The following TXNIP variants were observed in gnomAD, a reference collection of about 807,000 sequenced individuals.
TXNIP encodes the protein thioredoxin-interacting protein.
In TXNIP, 23 loss-of-function variants were observed where a neutral mutation model predicts 43.9. The observed-to-expected ratio is 0.52, with a 90% CI of 0.38 to 0.74. TXNIP has a LOEUF of 0.74. TXNIP is among the 30% of genes least tolerant of loss of function. The pLI is 0.00. For synonymous variants in TXNIP, 234 were observed against 172.2 expected, an observed-to-expected ratio of 1.36 and a Z score of -2.81; for missense variants, 555 against 485.4, an observed-to-expected ratio of 1.14 and a Z score of -1.35.
Position 145,993,722 on chromosome 1 carries a change from T to C in TXNIP, c.*129A>G. 5.7e-6 allele frequency: 6 copies of C among 1,047,584 alleles called. No individual in the cohort carries two copies. In the South Asian group the frequency reaches 9.1e-5, roughly 16 times the overall value. 64.9% of individuals were successfully genotyped at this position (1,047,584 alleles called of 1,614,324 possible). A position where few individuals can be genotyped will look rare whatever the true frequency, so the allele number is the denominator to read the frequency against. On this transcript the variant is annotated 3_prime_UTR_variant, in exon 8 of 8. Transcript: ENST00000582401. Reference sequence around the variant, plus strand: ...ATTGCCTGCTGACCACCTCCTACATTAGGAAGTCAGAGGCTAAGGTGGACC... The same window carrying C: ...ATTGCCTGCTGACCACCTCCTACATCAGGAAGTCAGAGGCTAAGGTGGACC...
rs1651376995 is a variant in TXNIP, at chr1:145,994,687, G to C, written c.688C>G (p.Leu230Val). The change falls in exon 5 of 8, where the codon CTG becomes GTG. Residue 230 changes from leucine to valine, a missense_variant. Transcript: ENST00000582401. ...TYLANGQTKV[L>V]TQKLSSVRGN... The stretch of plus-strand genomic sequence containing the variant: ...CTGACTGATGACAACTTCTGAGTCA[G>C]CACCTTGGTCTGGCCATTGGCAAGG... 6.2e-7 allele frequency: 1 copy of C among 1,614,234 alleles called. No individual in the cohort carries two copies.
rs1359192483 is a variant in TXNIP at position 145,996,079 on chromosome 1, C to T, written c.188G>A (p.Cys63Tyr). 1 of 1,613,982 alleles carries T rather than the reference C, an allele frequency of 6.2e-7. No individual in the cohort carries two copies. The highest frequency in any genetic ancestry group is 1.3e-5 in the African/African-American group (1 of 74,888). The change falls in exon 1 of 8, where the codon TGC becomes TAC. Residue 63 changes from cysteine to tyrosine, a missense_variant. Cys to Tyr is a radical substitution (Grantham distance 194). Coordinates refer to ENST00000582401, the MANE Select transcript of TXNIP (RefSeq NM_006472.6). ...GCGCAGGTACTCCGAAGTCTGTTTG[C>T]ACTGCTGGGATCCCTGCATCCAAAG... ...KVLWMQGSQQ[C>Y]KQTSEYLRYE...
Position 145,994,782 on chromosome 1 carries a change from T to G in TXNIP, c.593A>C (p.His198Pro). 6.2e-7 allele frequency: 1 copy of G among 1,614,216 alleles called. No homozygotes were observed. Among genetic ancestry groups the G allele is most frequent in the Non-Finnish European group, 8.5e-7 (1 of 1,180,034 alleles). Residue 198 changes from histidine (H) to proline (P), a missense_variant, in exon 5 of 8, where the codon CAT (histidine) becomes CCT (proline). Transcript: ENST00000582401. ...GFCEGDEISI[H>P]ADFENTCSRI... ...GGAACATGTATTCTCAAAGTCAGCA[T>G]GGATGGAAATCTCATCACCTAGCAA...
In TXNIP at chr1:145,993,748, C is replaced by CA. The variant is rs1230279460; in HGVS notation, c.*102dup. ...AGGAAGTCAGAGGCTAAGGTGGACCCACACTCCATTGCAGAGACTGTTGAG... is the reference window on the plus strand; with the variant it reads ...AGGAAGTCAGAGGCTAAGGTGGACCCAACACTCCATTGCAGAGACTGTTGAG... On this transcript the variant is annotated 3_prime_UTR_variant, in exon 8 of 8. Coordinates refer to ENST00000582401, the MANE Select transcript of TXNIP (RefSeq NM_006472.6). 8 of 1,376,440 alleles carry CA rather than the reference C, an allele frequency of 5.8e-6. No individual in the cohort carries two copies. In the Admixed American group the frequency reaches 1.6e-4, roughly 27 times the overall value. 85.3% of individuals were successfully genotyped at this position (1,376,440 alleles called of 1,614,324 possible).
rs781878987 is a variant in TXNIP at position 145,994,717 on chromosome 1, T to A, written c.658A>T (p.Thr220Ser). 73 of 1,614,092 alleles carry A rather than the reference T, an allele frequency of 4.5e-5. No homozygotes were observed. The highest frequency in any genetic ancestry group is 5.6e-5 in the Non-Finnish European group (66 of 1,180,046). ...TTGGTCTGGCCATTGGCAAGGTAAG[T>A]GTGGCGGGCCACAATGGCAGCTTTG... Reference protein sequence around the residue: ...VPKAAIVARHTYLANGQTKVL... With the variant: ...VPKAAIVARHSYLANGQTKVL... Residue 220 changes from threonine to serine, a missense_variant, in exon 5 of 8, where the codon ACT becomes TCT. By Grantham distance (58) the Thr-to-Ser change is moderately conservative. Transcript: ENST00000582401.
In TXNIP at chr1:145,994,719, T is replaced by A. The variant is rs782768346; in HGVS notation, c.656A>T (p.His219Leu). Reference sequence around the variant, plus strand: ...GGTCTGGCCATTGGCAAGGTAAGTGTGGCGGGCCACAATGGCAGCTTTGGG... The same window carrying A: ...GGTCTGGCCATTGGCAAGGTAAGTGAGGCGGGCCACAATGGCAGCTTTGGG... ...VVPKAAIVAR[H>L]TYLANGQTKV... is the part of the protein sequence containing the mutation. Residue 219 changes from histidine to leucine, a missense_variant, in exon 5 of 8, where the codon CAC becomes CTC. Physicochemically the swap from His to Leu is moderately conservative, Grantham distance 99. Transcript: ENST00000582401. The A allele has an allele frequency of 2.6e-5, 42 of 1,614,232 alleles. No individual in the cohort carries two copies. The highest frequency in any genetic ancestry group is 3.5e-5 in the Non-Finnish European group (41 of 1,180,046).
rs921724950 is a variant in TXNIP at position 145,994,620 on chromosome 1, C to T, written c.755G>A (p.Gly252Asp). The change falls in exon 5 of 8, where the codon GGC becomes GAC. Residue 252 changes from glycine to aspartate, a missense_variant. Coordinates refer to ENST00000582401, the MANE Select transcript of TXNIP (RefSeq NM_006472.6). ...GATCTTCTGAACCCGAAGGCTCTTGCCACGCCATGATGCGCATGTCCCTGA... is the reference window on the plus strand; with the variant it reads ...GATCTTCTGAACCCGAAGGCTCTTGTCACGCCATGATGCGCATGTCCCTGA... The part of the protein sequence containing the change: ...IISGTCASWR[G>D]KSLRVQKIRP... 5.0e-6 allele frequency: 8 copies of T among 1,614,066 alleles called. No homozygotes were observed. The highest frequency in any genetic ancestry group is 6.8e-6 in the Non-Finnish European group (8 of 1,180,048).
chr1:145,995,638 A>G, intron 1 of TXNIP, 162 bp from the exon 2 acceptor site: 1 of 716,276 alleles, frequency 1.4e-6, no homozygotes, highest in Non-Finnish European at 2.4e-6. Context: ...TTAAAGAGAA[A>G]TTCTGATGTA....
Position 145,995,850 on chromosome 1 carries a change from T to TGG in TXNIP, c.250+165_250+166dup, listed in dbSNP as rs142045491. The TGG allele has an allele frequency of 2.3e-5, 20 of 854,388 alleles. No individual in the cohort carries two copies. In the African/African-American group the frequency reaches 3.1e-4, roughly 13 times the overall value. 52.9% of individuals were successfully genotyped at this position (854,388 alleles called of 1,614,324 possible). On this transcript the variant is annotated intron_variant, in intron 1 of 7. Coordinates refer to ENST00000582401, the MANE Select transcript of TXNIP (RefSeq NM_006472.6). ...AAATTGTACAAATCACCCTTTTTTT[T>TGG]GGGGGGGGAGGAGAATGTCTGCAAA...
chr1:145,995,289 G>T lies in TXNIP; in HGVS notation c.326C>A (p.Pro109His), dbSNP rs950236811. 1 of 1,612,010 alleles carries T rather than the reference G, an allele frequency of 6.2e-7. No homozygotes were observed. The highest frequency in any genetic ancestry group is 1.7e-5 in the Admixed American group (1 of 59,786). ...YKFGFELPQG[P>H]LGTSFKGKYG... The stretch of plus-strand genomic sequence containing the variant: ...TTTTCCTTTGAAGGATGTTCCCAGA[G>T]GCCTGTGTCAAGAAAATGAAAATTT... Residue 109 changes from proline (P) to histidine (H), a missense_variant and splice_region_variant, in exon 3 of 8, where the codon CCT (proline) becomes CAT (histidine). Transcript: ENST00000582401.
chr1:145,993,703 T>C lies in TXNIP; in HGVS notation c.*148A>G. On this transcript the variant is annotated 3_prime_UTR_variant, in exon 8 of 8. Coordinates refer to ENST00000582401, the MANE Select transcript of TXNIP (RefSeq NM_006472.6). ...ATCCTTTAAGGCCCAGGAGATTGCC[T>C]GCTGACCACCTCCTACATTAGGAAG... The C allele has an allele frequency of 2.3e-6, 2 of 862,018 alleles. No homozygotes were observed. Among genetic ancestry groups the C allele is most frequent in the African/African-American group, 1.7e-5 (1 of 58,924 alleles). The allele number at this position is 862,018 out of a possible 1,614,324, so 53.4% of individuals were successfully genotyped here. A position where few individuals can be genotyped will look rare whatever the true frequency, so the allele number is the denominator to read the frequency against.
In TXNIP at chr1:145,995,700, G is replaced by C. The variant is rs1321856697; in HGVS notation, c.251-224C>G. 1.1e-5 allele frequency: 7 copies of C among 617,892 alleles called. No individual in the cohort carries two copies. In the East Asian group the frequency reaches 1.6e-4, roughly 15 times the overall value. 38.3% of individuals were successfully genotyped at this position (617,892 alleles called of 1,614,324 possible). A position where few individuals can be genotyped will look rare whatever the true frequency, so the allele number is the denominator to read the frequency against. On this transcript the variant is annotated intron_variant, in intron 1 of 7. Coordinates refer to ENST00000582401, the MANE Select transcript of TXNIP (RefSeq NM_006472.6). ...CCTGCAATACTGAAAGATTCACCCA[G>C]GACAGTTCTCTACTAACATCTCAAA... is the stretch of plus-strand genomic sequence containing the variant.
At position 145,992,996 on chromosome 1, in the gene TXNIP, T is replaced by G. The variant is rs1271839122; in HGVS notation, c.*855A>C. 6.5e-6 allele frequency: 1 copy of G among 152,746 alleles called. No individual in the cohort carries two copies. The highest frequency in any genetic ancestry group is 2.4e-5 in the African/African-American group (1 of 41,458). The allele number at this position is 152,746 out of a possible 1,614,324, so 9.5% of individuals were successfully genotyped here. A position where few individuals can be genotyped will look rare whatever the true frequency, so the allele number is the denominator to read the frequency against. Reference sequence around the variant, plus strand: ...AACCCTAGAGACACAGTAGACCAGTTTCAGCTTACATTTAAGATGGCAGAA... The same window carrying G: ...AACCCTAGAGACACAGTAGACCAGTGTCAGCTTACATTTAAGATGGCAGAA... On this transcript the variant is annotated 3_prime_UTR_variant, in exon 8 of 8. Coordinates refer to ENST00000582401, the MANE Select transcript of TXNIP (RefSeq NM_006472.6).
Position 145,994,973 on chromosome 1 carries a change from C to A in TXNIP, c.530G>T (p.Arg177Leu). Residue 177 changes from arginine to leucine, a missense_variant, in exon 4 of 8, where the codon CGG becomes CTG. Physicochemically the swap from Arg to Leu is moderately radical, Grantham distance 102. Coordinates refer to ENST00000582401, the MANE Select transcript of TXNIP (RefSeq NM_006472.6). ...KVSCMFIPDG[R>L]VSVSARIDRK... ...GTCAATTCGAGCAGAGACAGACACCCGCCCATCAGGAATGAACATGCAGGA... is the reference window on the plus strand; with the variant it reads ...GTCAATTCGAGCAGAGACAGACACCAGCCCATCAGGAATGAACATGCAGGA... The A allele has an allele frequency of 6.2e-7, 1 of 1,614,108 alleles. No individual in the cohort carries two copies. Among genetic ancestry groups the A allele is most frequent in the East Asian group, 2.2e-5 (1 of 44,892 alleles).
In TXNIP at chr1:145,993,793, C is replaced by G; in HGVS notation, c.*58G>C. 6.2e-7 allele frequency: 1 copy of G among 1,602,802 alleles called. No homozygotes were observed. Among genetic ancestry groups the G allele is most frequent in the South Asian group, 1.1e-5 (1 of 90,248 alleles). ...GTTGAGTCTCTGAAAAAGTGAGTGT[C>G]CAGGAAGAGAGACAAAAAGAAACAA... On this transcript the variant is annotated 3_prime_UTR_variant, in exon 8 of 8. Coordinates refer to ENST00000582401, the MANE Select transcript of TXNIP (RefSeq NM_006472.6).
chr1:145,992,994 G>A lies in TXNIP; in HGVS notation c.*857C>T, dbSNP rs1651230162. ...TTAACCCTAGAGACACAGTAGACCA[G>A]TTTCAGCTTACATTTAAGATGGCAG... On this transcript the variant is annotated 3_prime_UTR_variant, in exon 8 of 8. Coordinates refer to ENST00000582401, the MANE Select transcript of TXNIP (RefSeq NM_006472.6). 1 of 152,694 alleles carries A rather than the reference G, an allele frequency of 6.5e-6. No homozygotes were observed. The highest frequency in any genetic ancestry group is 1.5e-5 in the Non-Finnish European group (1 of 68,058). 9.5% of individuals were successfully genotyped at this position (152,694 alleles called of 1,614,324 possible). A position where few individuals can be genotyped will look rare whatever the true frequency, so the allele number is the denominator to read the frequency against.
At chr1:145,995,600 A>T in intron 1 of TXNIP, 124 bp from the exon 2 acceptor site, 1 of 857,636 alleles carries the variant, frequency 1.2e-6, no homozygotes, top group Admixed American at 2.1e-5. Flanking sequence ...TCCCATATAT[A>T]TATTTTTTAA....
chr1:145,994,895 C>T lies in TXNIP; in HGVS notation c.574+34G>A, dbSNP rs587724181. On this transcript the variant is annotated intron_variant, in intron 4 of 7. Coordinates refer to ENST00000582401, the MANE Select transcript of TXNIP (RefSeq NM_006472.6). ...CATGCCCTTGCCCCTAAACCCAGTT[C>T]CTGTTTTAACTGCCATAAGCACTAG... 76 of 1,614,034 alleles carry T rather than the reference C, an allele frequency of 4.7e-5. 1 individual carries two copies. The South Asian group carries it at 5.6e-4, about 12-fold the overall frequency.
rs1213519525 is a variant in TXNIP, at chr1:145,996,289, G to A, written c.-23C>T. On this transcript the variant is annotated 5_prime_UTR_variant, in exon 1 of 8. Transcript: ENST00000582401. ...CATGATGGAACTGAGTTGGTTTTAAGAGTTAGAAATGACGGTGGAAGAAAA... is the reference window on the plus strand; with the variant it reads ...CATGATGGAACTGAGTTGGTTTTAAAAGTTAGAAATGACGGTGGAAGAAAA... The A allele has an allele frequency of 6.3e-7, 1 of 1,587,886 alleles. No individual in the cohort carries two copies. The highest frequency in any genetic ancestry group is 2.2e-5 in the East Asian group (1 of 44,532).
Sources: allele counts gnomAD v4.1 joint callset, GRCh38; gene constraint gnomAD v4.1.1; transcripts MANE v1.5; gene names NCBI Gene and HGNC (gene_info 2026-07-23, HGNC 2026-07-21).